Variants in NOP58 observed in about 807,000 individuals in gnomAD.
The protein encoded by NOP58 is nucleolar protein 58.
A neutral mutation model predicts 71.2 loss-of-function variants in NOP58; 44 were observed. The observed-to-expected ratio is 0.62, with a 90% CI of 0.49 to 0.79. The LOEUF (loss-of-function observed/expected upper bound fraction) is 0.79, where lower values mean the gene tolerates loss of function less well. Among genes scored for constraint, NOP58 ranks in the 30% least tolerant of loss-of-function variants. NOP58 has a pLI of 0.00. For missense variants in NOP58, 538 were observed against 620.2 expected (o/e 0.87, Z 1.41); for synonymous variants, 228 against 200.3 (o/e 1.14, Z -1.17).
At chr2:202,272,388 TC>T (rs898447750) in intron 1 of NOP58, among the ~76,000 whole-genome samples, 16 of 151,970 alleles carry the variant, frequency 1.1e-4, no homozygotes, top group African/African-American at 3.9e-4. Flanking sequence ...TCTCCTGACC[TC>T]GTGATTCGCC....
Position 202,282,361 on chromosome 2 carries a change from T to G in NOP58, c.186T>G (p.Ala62=). The part of the protein sequence containing the change: ...DTAEALAAFT[A]LMEGKINKQL... ...CTTTTTCTTGAAAAGCATTCACAGCTCTGATGGAGGGCAAAATCAATAAGC... is the reference window on the plus strand; with the variant it reads ...CTTTTTCTTGAAAAGCATTCACAGCGCTGATGGAGGGCAAAATCAATAAGC... Residue 62 remains alanine, a synonymous_variant, in exon 4 of 15, where the codon GCT becomes GCG. Coordinates refer to ENST00000264279, the MANE Select transcript of NOP58 (RefSeq NM_015934.5). 4 of 1,610,202 alleles carry G rather than the reference T, an allele frequency of 2.5e-6. No homozygotes were observed. The highest frequency in any genetic ancestry group is 3.4e-6 in the Non-Finnish European group (4 of 1,179,258).
Position 202,265,862 on chromosome 2 carries a change from T to C in NOP58, c.-80T>C, listed in dbSNP as rs1308105078. 1.3e-6 allele frequency: 2 copies of C among 1,580,336 alleles called. No homozygotes were observed. On this transcript the variant is annotated 5_prime_UTR_variant, in exon 1 of 15. Transcript: ENST00000264279. ...TTGCCCGCCGCGGCCTAGGAGGCCT[T>C]TTGAGGCCGCGTAGTCGGTGTTTTT...
rs530429930 is a variant in NOP58, at chr2:202,271,564, G to A, written c.46-3549G>A. On this transcript the variant is annotated intron_variant, in intron 1 of 14. Coordinates refer to ENST00000264279, the MANE Select transcript of NOP58 (RefSeq NM_015934.5). ...CCTGGCCGACAGAGCGCAAGACTCC[G>A]TCTCAAAAATAAAAAAAAAAAGAAT... 8.6e-5 allele frequency among the ~76,000 whole-genome samples: 13 copies of A among 151,624 alleles called. No homozygotes were observed. The East Asian group carries it at 1.4e-3, about 16-fold the overall frequency.
At chr2:202,266,552 G>C (rs1344249746) in intron 1 of NOP58, among the ~76,000 whole-genome samples, 1 of 152,096 alleles carries the variant, frequency 6.6e-6, no homozygotes, top group Non-Finnish European at 1.5e-5. Context: ...CTGACCTCAA[G>C]CGATCCACCT....
chr2:202,286,847 A>G (rs986073744), intron 5 of NOP58, among the ~76,000 whole-genome samples: 4 of 152,164 alleles, frequency 2.6e-5, no homozygotes, highest in African/African-American at 9.7e-5. Flanking sequence ...GATAAAAGTT[A>G]GGGATACTGC....
chr2:202,277,059 G>C (rs1054822896), intron 2 of NOP58, among the ~76,000 whole-genome samples: 1 of 152,122 alleles, frequency 6.6e-6, no homozygotes, highest in Non-Finnish European at 1.5e-5. Flanking sequence ...AGGCCAAGGC[G>C]GGCGGATGAT....
intron 13 of NOP58, among the ~76,000 whole-genome samples, chr2:202,302,072 C>CTTTTTT (rs1187670961): frequency 1.3e-4 from 15 of 119,074 alleles, no homozygotes; most frequent in Non-Finnish European, 1.1e-4. Flanking sequence ...TTTTCTTTTT[C>CTTTTTT]TTTTTTTTTT....
intron 1 of NOP58, among the ~76,000 whole-genome samples, chr2:202,274,104 T>G (rs879412635): frequency 6.6e-6 from 1 of 152,236 alleles, no homozygotes; most frequent in Non-Finnish European, 1.5e-5. Context: ...ATTTCTCACA[T>G]CTAGATGTGT....
At position 202,290,346 on chromosome 2, in the gene NOP58, G is replaced by C. The variant is rs1164545810; in HGVS notation, c.523G>C (p.Glu175Gln). The C allele has an allele frequency of 1.2e-6, 2 of 1,606,560 alleles. No homozygotes were observed. The highest frequency in any genetic ancestry group is 1.7e-6 in the Non-Finnish European group (2 of 1,176,030). ...AGCCTTGTTAGATGACTTGGATAAAGAACTAAACAACTACATTATGCGATG... is the reference window on the plus strand; with the variant it reads ...AGCCTTGTTAGATGACTTGGATAAACAACTAAACAACTACATTATGCGATG... ...AISLLDDLDK[E>Q]LNNYIMRCRE... The change falls in exon 7 of 15, where the codon GAA becomes CAA. Residue 175 changes from glutamate (E) to glutamine (Q), a missense_variant. Transcript: ENST00000264279.
At chr2:202,300,474 C>A (rs944743826) in intron 13 of NOP58, 107 bp downstream of exon 13, 1 of 840,986 alleles carries the variant, frequency 1.2e-6, no homozygotes, top group Non-Finnish European at 1.9e-6. Flanking sequence ...TAAAACTGCT[C>A]ATTGAACGCT....
At chr2:202,274,985 T>C in intron 1 of NOP58, 128 bp from the exon 2 acceptor site, 1 of 561,342 alleles carries the variant, frequency 1.8e-6, no homozygotes, top group South Asian at 2.3e-5. Flanking sequence ...AGAAAACTAG[T>C]TCATTATCTT....
intron 8 of NOP58, among the ~76,000 whole-genome samples, chr2:202,292,268 A>G (rs983001602): frequency 2.0e-5 from 3 of 151,918 alleles, no homozygotes; most frequent in Non-Finnish European, 4.4e-5. Flanking sequence ...CTGGAATTAC[A>G]GGTGTGAGTC....
rs755744217 is a variant in NOP58, at chr2:202,302,967, T to G, written c.1449T>G (p.Ser483=). ...AAGTGGCAGAAGAAGAAGAAACATC[T>G]GTGAAGAAGAAGAAGAAAAGGGGTA... ...EEKVAEEEET[S]VKKKKKRGKK... is the part of the protein sequence containing the mutation. Residue 483 remains serine (S), a synonymous_variant, in exon 14 of 15, where the codon TCT becomes TCG. Coordinates refer to ENST00000264279, the MANE Select transcript of NOP58 (RefSeq NM_015934.5). 27 of 1,609,506 alleles carry G rather than the reference T, an allele frequency of 1.7e-5. No homozygotes were observed. The South Asian group carries it at 3.0e-4, about 18-fold the overall frequency.
intron 1 of NOP58, among the ~76,000 whole-genome samples, chr2:202,274,163 G>C (rs1010258581): frequency 1.3e-5 from 2 of 152,110 alleles, no homozygotes; most frequent in Non-Finnish European, 2.9e-5. Context: ...TTTCATGTTA[G>C]GATGATCATA....
rs372739080 is a variant in NOP58, at chr2:202,300,310, G to A, written c.1345G>A (p.Asp449Asn). 6.3e-6 allele frequency: 10 copies of A among 1,598,420 alleles called. No individual in the cohort carries two copies. In the African/African-American group the frequency reaches 1.2e-4, roughly 19 times the overall value. The change falls in exon 13 of 15, where the codon GAT becomes AAT. Residue 449 changes from aspartate (D) to asparagine (N), a missense_variant. Physicochemically the swap from Asp to Asn is conservative, Grantham distance 23 (BLOSUM62 1). Coordinates refer to ENST00000264279, the MANE Select transcript of NOP58 (RefSeq NM_015934.5). ...TAAAAAACGCAAAATAGAACAGGTA[G>A]ATAAAGAGGATGAAATTACTGAAAA... is the stretch of plus-strand genomic sequence containing the variant. ...CSKKRKIEQV[D>N]KEDEITEKKA...
rs1377250788 is a variant in NOP58 at position 202,286,357 on chromosome 2, TAGCCA to T, written c.435-1302_435-1298del. Among the ~76,000 whole-genome samples the T allele has an allele frequency of 4.7e-5, 7 of 148,956 alleles. No individual in the cohort carries two copies. In the East Asian group the frequency reaches 1.2e-3, roughly 25 times the overall value. ...GTCTCTACTAAAAATACAAAAAAAT[TAGCCA>T]GGCATGGTGGCGGGCGCCTGTAGTC... On this transcript the variant is annotated intron_variant, in intron 5 of 14. Transcript: ENST00000264279.
chr2:202,266,531 G>GT (rs1688420242), intron 1 of NOP58, among the ~76,000 whole-genome samples: 1 of 151,980 alleles, frequency 6.6e-6, no homozygotes, highest in South Asian at 2.1e-4. Flanking sequence ...GGCCAGGCTG[G>GT]TCTTGAACTC....
Position 202,297,390 on chromosome 2 carries a change from G to A in NOP58, c.1083G>A (p.Met361Ile), listed in dbSNP as rs781622971. 6.8e-6 allele frequency: 11 copies of A among 1,611,860 alleles called. No homozygotes were observed. The Admixed American group carries it at 1.0e-4, about 15-fold the overall frequency. ...SPKHKGKISR[M>I]LAAKTVLAIR... ...TGTTTTTCTATTAGATTTCTCGAAT[G>A]CTGGCAGCCAAAACCGTTTTGGCTA... Residue 361 changes from methionine to isoleucine, a missense_variant, in exon 11 of 15, where the codon ATG (methionine) becomes ATA (isoleucine). By Grantham distance (10) the Met-to-Ile change is conservative. Coordinates refer to ENST00000264279, the MANE Select transcript of NOP58 (RefSeq NM_015934.5).
chr2:202,292,092 C>A (rs1483988355), intron 8 of NOP58, among the ~76,000 whole-genome samples: 1 of 140,232 alleles, frequency 7.1e-6, no homozygotes, highest in Non-Finnish European at 1.5e-5. Context: ...GGTCCCAGTT[C>A]AAGCGGTTCT....
Sources: gnomAD v4.1 joint callset for allele counts (sites outside exome capture counted in the v4.1 genomes callset) on GRCh38, gnomAD v4.1.1 for gene constraint, MANE v1.5 for transcripts, NCBI Gene and HGNC (gene_info 2026-07-23, HGNC 2026-07-21) for gene names.